CABIN1: variants seen among roughly 807,000 people sequenced by gnomAD.
The protein encoded by CABIN1 is calcineurin-binding protein cabin-1.
In CABIN1, 133 loss-of-function variants were observed where a neutral mutation model predicts 227.7. That is an observed-to-expected ratio of 0.58 (90% CI 0.51 to 0.67). CABIN1 has a LOEUF of 0.67. CABIN1 is among the 30% of genes least tolerant of loss of function. CABIN1 has a pLI of 0.00. For missense variants in CABIN1, 2,408 were observed against 2,852.5 expected, an observed-to-expected ratio of 0.84 and a Z score of 3.55; for synonymous variants, 1,086 against 1,155.1, an observed-to-expected ratio of 0.94 and a Z score of 1.21.
At chr22:24,164,295 G>A (rs1182114923) in intron 29 of CABIN1, 105 bp from the exon 30 acceptor site, 8 of 1,421,314 alleles carry the variant, frequency 5.6e-6, no homozygotes, top group African/African-American at 1.4e-5. Context: ...GCTGGGCAGT[G>A]TCCCCTTTGG....
chr22:24,086,267 A>G (rs184254117), intron 22 of CABIN1, among the ~76,000 whole-genome samples: 1 of 152,266 alleles, frequency 6.6e-6, no homozygotes, highest in Admixed American at 6.5e-5. Flanking sequence ...CCCTACTTCC[A>G]CATCTGAAAA....
At chr22:24,028,680 T>A (rs1273911085) in intron 1 of CABIN1, among the ~76,000 whole-genome samples, 1 of 152,162 alleles carries the variant, frequency 6.6e-6, no homozygotes, top group Non-Finnish European at 1.5e-5. Flanking sequence ...AATATGAGGA[T>A]GCACGTTTGT....
chr22:24,101,935 C>G (rs2042228349), intron 26 of CABIN1, among the ~76,000 whole-genome samples: 1 of 152,102 alleles, frequency 6.6e-6, no homozygotes, highest in Non-Finnish European at 1.5e-5. Context: ...TTGCTCTGTG[C>G]TGGGCTCTGG....
intron 31 of CABIN1, among the ~76,000 whole-genome samples, chr22:24,165,930 C>A (rs1050299947): frequency 4.6e-5 from 7 of 152,242 alleles, no homozygotes; most frequent in Admixed American, 6.5e-5. Context: ...CTCTCCCTGG[C>A]AGGCTGACCA....
chr22:24,169,413 A>G (rs1370069330), intron 33 of CABIN1, among the ~76,000 whole-genome samples: 1 of 152,136 alleles, frequency 6.6e-6, no homozygotes, highest in African/African-American at 2.4e-5. Context: ...TTCTCAGTGG[A>G]ATGGAGCCTC....
chr22:24,057,514 G>A (rs1042598715), intron 10 of CABIN1, among the ~76,000 whole-genome samples: 7 of 152,082 alleles, frequency 4.6e-5, no homozygotes, highest in Admixed American at 2.0e-4. Context: ...TTACTCCTTC[G>A]TTGTTACTGG....
chr22:24,015,295 G>A (rs1399915073), intron 1 of CABIN1, among the ~76,000 whole-genome samples: 17 of 85,396 alleles, frequency 2.0e-4, no homozygotes, highest in South Asian at 7.8e-4. Context: ...AAAAAAAAAA[G>A]AATAGTGTGT....
chr22:24,062,811 G>C, intron 13 of CABIN1, 148 bp from the exon 14 acceptor site: 1 of 794,124 alleles, frequency 1.3e-6, no homozygotes, highest in Non-Finnish European at 2.3e-6. Context: ...TCTGATGCCT[G>C]CCACTCAGGG....
intron 26 of CABIN1, among the ~76,000 whole-genome samples, chr22:24,100,561 C>T (rs763324296): frequency 6.6e-6 from 1 of 152,218 alleles, no homozygotes; most frequent in Non-Finnish European, 1.5e-5. Flanking sequence ...TGGCCTGAGA[C>T]CAGCCTTGGG....
At chr22:24,155,435 C>G (rs1246326238) in intron 29 of CABIN1, among the ~76,000 whole-genome samples, 1 of 152,142 alleles carries the variant, frequency 6.6e-6, no homozygotes, top group Non-Finnish European at 1.5e-5. Flanking sequence ...CTACTCCCAA[C>G]CCTACCCCTC....
chr22:24,027,905 T>C (rs1319898066), intron 1 of CABIN1, among the ~76,000 whole-genome samples: 1 of 152,028 alleles, frequency 6.6e-6, no homozygotes, highest in African/African-American at 2.4e-5. Flanking sequence ...AGATACAGAT[T>C]GAGGAGGTCT....
At chr22:24,125,120 T>C (rs2043640018) in intron 28 of CABIN1, among the ~76,000 whole-genome samples, 1 of 151,760 alleles carries the variant, frequency 6.6e-6, no homozygotes, top group Non-Finnish European at 1.5e-5. Context: ...GTATGAGGAG[T>C]AGCAGCCTGG....
Position 24,169,580 on chromosome 22 carries a change from C to T in CABIN1, c.5757+1059C>T, listed in dbSNP as rs368516559. Among the ~76,000 whole-genome samples the T allele has an allele frequency of 6.0e-4, 91 of 152,330 alleles. 1 individual carries two copies. In the South Asian group the frequency reaches 0.018, roughly 30 times the overall value. On this transcript the variant is annotated intron_variant, in intron 33 of 36. Coordinates refer to ENST00000263119, the MANE Select transcript of CABIN1 (RefSeq NM_012295.4). ...AGTCCTTGACAGGGAGTGCCCCAAC[C>T]CCCAGCAGTCCCCACCATTTCATTG...
chr22:24,071,327 C>A, intron 17 of CABIN1: 1 of 485,406 alleles, frequency 2.1e-6, no homozygotes, highest in Non-Finnish European at 3.8e-6. Flanking sequence ...CACGGGGAGG[C>A]CCTGGTCTGC....
rs532416981 is a variant in CABIN1 at position 24,136,733 on chromosome 22, A to G, written c.4746+2318A>G. 3.1e-4 allele frequency among the ~76,000 whole-genome samples: 44 copies of G among 143,610 alleles called. No individual in the cohort carries two copies. The East Asian group carries it at 3.8e-3, about 12-fold the overall frequency. The allele number at this position is 143,610 out of a possible 152,430, so 94.2% of individuals were successfully genotyped here. A position where few individuals can be genotyped will look rare whatever the true frequency, so the allele number is the denominator to read the frequency against. The stretch of plus-strand genomic sequence containing the variant: ...TTACTACAAACAATACATCACACAC[A>G]CACACGCACACACACACACACACAC... On this transcript the variant is annotated intron_variant, in intron 29 of 36. Transcript: ENST00000263119.
intron 1 of CABIN1, among the ~76,000 whole-genome samples, chr22:24,031,584 C>G (rs1371143570): frequency 6.6e-6 from 1 of 152,174 alleles, no homozygotes; most frequent in African/African-American, 2.4e-5. Flanking sequence ...TGGGTAGTTC[C>G]TGAGTGACTG....
At chr22:24,076,044 GAA>G (rs2040416583) in intron 18 of CABIN1, 123 bp from the exon 19 acceptor site, 3 of 660,902 alleles carry the variant, frequency 4.5e-6, no homozygotes, top group Non-Finnish European at 8.0e-6. Flanking sequence ...AAAGGGAAAG[GAA>G]AAGTCTGTAG....
At position 24,063,075 on chromosome 22, in the gene CABIN1, C is replaced by G; in HGVS notation, c.1813C>G (p.Leu605Val). 6.2e-7 allele frequency: 1 copy of G among 1,614,186 alleles called. No homozygotes were observed. The highest frequency in any genetic ancestry group is 8.5e-7 in the Non-Finnish European group (1 of 1,180,040). Residue 605 changes from leucine (L) to valine (V), a missense_variant, in exon 14 of 37, where the codon CTG becomes GTG. Leu to Val is a conservative substitution (Grantham distance 32). Transcript: ENST00000263119. ...GTCATTTGCCTCGTCCCAGCGCGAC[C>G]TGTTCGAGGATGGTTGGCTGGAGTT... is the stretch of plus-strand genomic sequence containing the variant. ...QLSFASSQRD[L>V]FEDGWLEFVV...
At chr22:24,167,620 G>A (rs1358755080) in intron 32 of CABIN1, among the ~76,000 whole-genome samples, 1 of 152,228 alleles carries the variant, frequency 6.6e-6, no homozygotes, top group Non-Finnish European at 1.5e-5. Context: ...TTCTGTGGCT[G>A]TCATCTAAAG....
Sources: gnomAD v4.1 joint callset for allele counts (sites outside exome capture counted in the v4.1 genomes callset) on GRCh38, gnomAD v4.1.1 for gene constraint, MANE v1.5 for transcripts, NCBI Gene and HGNC (gene_info 2026-07-23, HGNC 2026-07-21) for gene names.